The following NUP153 variants were observed in gnomAD, a reference collection of about 807,000 sequenced individuals.
NUP153 encodes nuclear pore complex protein Nup153.
NUP153 carries 27 observed loss-of-function variants against 134.6 expected under a neutral mutation model. The observed-to-expected ratio is 0.20, with a 90% CI of 0.15 to 0.28. The LOEUF (loss-of-function observed/expected upper bound fraction) is 0.28, where lower values mean the gene tolerates loss of function less well. NUP153 is among the 10% of genes least tolerant of loss of function. The pLI, the probability that NUP153 is intolerant of heterozygous loss-of-function variation, is 1.00. For missense variants in NUP153, 1,821 were observed against 1,731.3 expected (o/e 1.05, Z -0.92); for synonymous variants, 640 against 623.5 (o/e 1.03, Z -0.40).
intron 20 of NUP153, among the ~76,000 whole-genome samples, chr6:17,621,482 A>G (rs1764640200): frequency 1.3e-5 from 2 of 152,232 alleles, no homozygotes; most frequent in Non-Finnish European, 2.9e-5. Context: ...GGATACAGAA[A>G]ATGTGGTTTA....
intron 20 of NUP153, 46 bp from the exon 21 acceptor site, chr6:17,616,741 GT>G (rs758614648): frequency 3.2e-6 from 5 of 1,554,448 alleles, no homozygotes; most frequent in Non-Finnish European, 3.5e-6. Flanking sequence ...AAAATGATAG[GT>G]TTTTTTGTTT....
chr6:17,683,396 T>G lies in NUP153; in HGVS notation c.334+5000A>C, dbSNP rs190519907. On this transcript the variant is annotated intron_variant, in intron 2 of 21. Transcript: ENST00000262077. ...CAAAATGCCTCCTTGATCCATGGGC[T>G]GCAGAATGGACATTGTATTATCAAG... 3.3e-4 allele frequency among the ~76,000 whole-genome samples: 50 copies of G among 152,360 alleles called. No homozygotes were observed. The East Asian group carries it at 9.4e-3, about 29-fold the overall frequency.
At chr6:17,642,241 A>T (rs111660832) in intron 14 of NUP153, among the ~76,000 whole-genome samples, 3,075 of 152,322 alleles carry the variant, frequency 0.02, 112 homozygotes, top group African/African-American at 0.07. Context: ...CATCAAAATT[A>T]AATACCTCTG....
chr6:17,655,235 G>A (rs1766744782), intron 11 of NUP153, among the ~76,000 whole-genome samples: 1 of 152,142 alleles, frequency 6.6e-6, no homozygotes, highest in South Asian at 2.1e-4. Context: ...AGGATAAGGT[G>A]AAAGGTAAAA....
chr6:17,645,308 T>C (rs1319026553), intron 14 of NUP153, among the ~76,000 whole-genome samples: 1 of 152,064 alleles, frequency 6.6e-6, no homozygotes, highest in Non-Finnish European at 1.5e-5. Context: ...TCTTTCTTTT[T>C]TTTTGAGATA....
At chr6:17,647,063 G>A (rs1391953335) in intron 13 of NUP153, among the ~76,000 whole-genome samples, 2 of 151,688 alleles carry the variant, frequency 1.3e-5, no homozygotes, top group African/African-American at 4.8e-5. Flanking sequence ...GGCCTCAAAT[G>A]CCATTTTCTA....
At chr6:17,695,238 A>C (rs1383674835) in intron 1 of NUP153, among the ~76,000 whole-genome samples, 2 of 152,226 alleles carry the variant, frequency 1.3e-5, no homozygotes, top group East Asian at 3.8e-4. Context: ...TAAAAGGACT[A>C]AAACAGTGGT....
In NUP153 at chr6:17,665,723, TG is replaced by T. The variant is rs774475517; in HGVS notation, c.1069-339del. Among the ~76,000 whole-genome samples, 232 of 150,150 alleles carry T rather than the reference TG, an allele frequency of 1.5e-3. 2 individuals are homozygous for T. The highest frequency in any genetic ancestry group is 3.5e-3 in the Middle Eastern group (1 of 284). ...ACAGATCAAACCTTTTACAGTTTTT[TG>T]TTTTTTTTTTTTAAGAGACGGACTC... On this transcript the variant is annotated intron_variant, in intron 8 of 21. Transcript: ENST00000262077.
chr6:17,630,849 C>G (rs1765216403), intron 17 of NUP153, among the ~76,000 whole-genome samples: 1 of 151,742 alleles, frequency 6.6e-6, no homozygotes, highest in African/African-American at 2.4e-5. Context: ...ATTATACTGA[C>G]AAGATCAAAG....
chr6:17,628,600 C>T lies in NUP153; in HGVS notation c.3544+55G>A, dbSNP rs935269161. 25 of 974,614 alleles carry T rather than the reference C, an allele frequency of 2.6e-5. No homozygotes were observed. In the Admixed American group the frequency reaches 3.4e-4, roughly 13 times the overall value. The allele number at this position is 974,614 out of a possible 1,614,324, so 60.4% of individuals were successfully genotyped here. ...GCATCTGTCAAGGCAACTTGTAAAA[C>T]GACAACTTGTAAAAAAAAAAATAAT... On this transcript the variant is annotated intron_variant, in intron 18 of 21. Transcript: ENST00000262077. This position sits in a 1 kb window ranked among gnomAD's most constrained non-coding sequence, Gnocchi z 5.4.
In NUP153 at chr6:17,706,230, C is replaced by A. The variant is rs1425700854; in HGVS notation, c.111+47G>T. Reference sequence around the variant, plus strand: ...GCCTCGAACCGCCCGTCCCCTCCAGCCGAGTTTCCCCACCCGCCAGGCCAC... The same window carrying A: ...GCCTCGAACCGCCCGTCCCCTCCAGACGAGTTTCCCCACCCGCCAGGCCAC... On this transcript the variant is annotated intron_variant, in intron 1 of 21. Coordinates refer to ENST00000262077, the MANE Select transcript of NUP153 (RefSeq NM_005124.4). This position sits in a 1 kb window ranked among gnomAD's most constrained non-coding sequence, Gnocchi z 5.9. 6.7e-7 allele frequency: 1 copy of A among 1,496,368 alleles called. No homozygotes were observed. Among genetic ancestry groups the A allele is most frequent in the South Asian group, 1.1e-5 (1 of 88,648 alleles). 92.7% of individuals were successfully genotyped at this position (1,496,368 alleles called of 1,614,324 possible).
At chr6:17,703,702 T>C (rs2150256125) in intron 1 of NUP153, among the ~76,000 whole-genome samples, 1 of 152,090 alleles carries the variant, frequency 6.6e-6, no homozygotes, top group South Asian at 2.1e-4. Context: ...CCTGAATACT[T>C]TCCTTGGGTA....
intron 11 of NUP153, 62 bp downstream of exon 11, chr6:17,661,591 T>TA: frequency 6.5e-7 from 1 of 1,538,550 alleles, no homozygotes; most frequent in Non-Finnish European, 8.8e-7. Context: ...GGTCTCCCCT[T>TA]ACCACCACCA....
intron 1 of NUP153, among the ~76,000 whole-genome samples, chr6:17,705,096 T>C (rs1770395434): frequency 6.6e-6 from 1 of 152,232 alleles, no homozygotes; most frequent in Admixed American, 6.5e-5. Context: ...AATGACACAA[T>C]TTAACAACAT....
At chr6:17,670,802 A>G (rs1285093943) in intron 5 of NUP153, among the ~76,000 whole-genome samples, 1 of 151,978 alleles carries the variant, frequency 6.6e-6, no homozygotes, top group Non-Finnish European at 1.5e-5. Flanking sequence ...GGTAAATCCC[A>G]TTAATTTTTT....
At position 17,643,513 on chromosome 6, in the gene NUP153, T is replaced by C. The variant is rs57737938; in HGVS notation, c.1720+2554A>G. ...CAAAAATAACCACCACTCGTACAAC[T>C]ATGCCAAAACAAACTTATAATTTAA... On this transcript the variant is annotated intron_variant, in intron 14 of 21. Transcript: ENST00000262077. Among the ~76,000 whole-genome samples, 124 of 152,288 alleles carry C rather than the reference T, an allele frequency of 8.1e-4. 2 individuals carry two copies. The East Asian group carries it at 0.021, about 26-fold the overall frequency.
chr6:17,646,142 A>G lies in NUP153; in HGVS notation c.1645T>C (p.Phe549Leu). The change falls in exon 14 of 22, where the codon TTT (phenylalanine) becomes CTT (leucine). Residue 549 changes from phenylalanine to leucine, a missense_variant. Transcript: ENST00000262077. ...VLPPSSIGFT[F>L]SVPVAKTAEL... ...GCTGTTTTTGCAACAGGCACACTAA[A>G]TGTAAATCCAATCTGTAAAGAGAAA... The G allele has an allele frequency of 6.4e-7, 1 of 1,574,232 alleles. No individual in the cohort carries two copies. Among genetic ancestry groups the G allele is most frequent in the Non-Finnish European group, 8.7e-7 (1 of 1,144,328 alleles).
chr6:17,636,764 A>G (rs1489542886), intron 16 of NUP153, among the ~76,000 whole-genome samples: 1 of 152,154 alleles, frequency 6.6e-6, no homozygotes, highest in East Asian at 1.9e-4. Flanking sequence ...TCTACCCCCT[A>G]AAGAAACCTT....
intron 20 of NUP153, among the ~76,000 whole-genome samples, chr6:17,624,293 T>A (rs1764804655): frequency 1.3e-5 from 2 of 151,980 alleles, no homozygotes; most frequent in Admixed American, 1.3e-4. Context: ...AAATTCAAAG[T>A]TGAGAAGAAA....
Sources: gnomAD v4.1 joint callset for allele counts (sites outside exome capture counted in the v4.1 genomes callset) on GRCh38, gnomAD v4.1.1 for gene constraint, Gnocchi (gnomAD v3.1) non-coding constraint, MANE v1.5 for transcripts, NCBI Gene and HGNC (gene_info 2026-07-23, HGNC 2026-07-21) for gene names.